GLYATL2: variants seen among roughly 807,000 people sequenced by gnomAD.
GLYATL2 encodes glycine N-acyltransferase-like protein 2.
GLYATL2 carries 25 observed loss-of-function variants against 21.4 expected under a neutral mutation model. The ratio of observed to expected loss-of-function variants is 1.17; its 90% confidence interval spans 0.85 to 1.63. The LOEUF (loss-of-function observed/expected upper bound fraction) is 1.63, where lower values mean the gene tolerates loss of function less well. Ranked by LOEUF, GLYATL2 falls within the 40% of genes most tolerant of loss-of-function variation. The probability of loss-of-function intolerance (pLI) is 0.00; values close to 1 mark genes in which losing one functional copy is unlikely to be tolerated. For synonymous variants in GLYATL2, 114 were observed against 118.2 expected, an observed-to-expected ratio of 0.96 and a Z score of 0.23; for missense variants, 361 against 343.3, an observed-to-expected ratio of 1.05 and a Z score of -0.41.
chr11:58,884,594 T>A (rs1175979213), intron 1 of GLYATL2, among the ~76,000 whole-genome samples: 1 of 152,208 alleles, frequency 6.6e-6, no homozygotes, highest in Non-Finnish European at 1.5e-5. Context: ...GTTATGATGA[T>A]GGTGGTGGAG....
intron 1 of GLYATL2, among the ~76,000 whole-genome samples, chr11:58,852,380 C>T (rs2849854): frequency 6.6e-6 from 1 of 151,778 alleles, no homozygotes; most frequent in African/African-American, 2.4e-5. Context: ...ATGTAACTAA[C>T]AGAAATTCAG....
chr11:58,859,923 C>A (rs1200067684), intron 1 of GLYATL2, among the ~76,000 whole-genome samples: 2 of 152,166 alleles, frequency 1.3e-5, no homozygotes, highest in African/African-American at 4.8e-5. Flanking sequence ...AAATCAATCA[C>A]CTTAAATGCA....
In GLYATL2 at chr11:58,834,405, A is replaced by T; in HGVS notation, c.*24T>A. On this transcript the variant is annotated 3_prime_UTR_variant, in exon 6 of 6. Transcript: ENST00000287275. Reference sequence around the variant, plus strand: ...TAATGTTTTTTTACTGATAAGAAAGATTTGAAATGGACAGTGGAATCAATC... The same window carrying T: ...TAATGTTTTTTTACTGATAAGAAAGTTTTGAAATGGACAGTGGAATCAATC... The T allele has an allele frequency of 1.3e-6, 2 of 1,534,086 alleles. No individual in the cohort carries two copies. The highest frequency in any genetic ancestry group is 1.4e-5 in the African/African-American group (1 of 72,080).
At chr11:58,838,792 C>T (rs1487142689) in intron 2 of GLYATL2, among the ~76,000 whole-genome samples, 1 of 152,072 alleles carries the variant, frequency 6.6e-6, no homozygotes, top group Non-Finnish European at 1.5e-5. Flanking sequence ...GTACATAGTT[C>T]AACCATCGTA....
At chr11:58,891,346 C>T (rs1854540167) in intron 1 of GLYATL2, among the ~76,000 whole-genome samples, 1 of 152,140 alleles carries the variant, frequency 6.6e-6, no homozygotes, top group African/African-American at 2.4e-5. Context: ...TCTTTCAAAC[C>T]CATGAGTCTA....
intron 1 of GLYATL2, among the ~76,000 whole-genome samples, chr11:58,899,963 T>A (rs75368055): frequency 5.4e-4 from 81 of 149,632 alleles, no homozygotes; most frequent in Non-Finnish European, 8.0e-4. Flanking sequence ...CTCTGTATTT[T>A]CAGAGTCCAT....
rs1590754514 is a variant in GLYATL2, at chr11:58,896,304, C to T, written n.60+7852G>A. ...ACCTGGCACAACCAATCCTCTGAGC[C>T]CTATGTAAATCAGACACTGCCTCCT... On this transcript the variant is annotated intron_variant and non_coding_transcript_variant, in intron 1 of 4. Transcript: ENST00000533636. Among the ~76,000 whole-genome samples, 3 of 152,190 alleles carry T rather than the reference C, an allele frequency of 2.0e-5. No homozygotes were observed. In the East Asian group the frequency reaches 5.8e-4, roughly 29 times the overall value.
chr11:58,876,176 T>C (rs1025219951), intron 1 of GLYATL2, among the ~76,000 whole-genome samples: 10 of 152,232 alleles, frequency 6.6e-5, no homozygotes, highest in African/African-American at 9.6e-5. Context: ...TTGGTTATTC[T>C]AGTTATCCGT....
At chr11:58,851,470 T>G (rs1243069241) in intron 1 of GLYATL2, among the ~76,000 whole-genome samples, 3 of 152,196 alleles carry the variant, frequency 2.0e-5, no homozygotes, top group Non-Finnish European at 4.4e-5. Flanking sequence ...CTTTCTAATG[T>G]TATTGTTGAA....
intron 1 of GLYATL2, among the ~76,000 whole-genome samples, chr11:58,897,153 C>T (rs1565110338): frequency 6.6e-6 from 1 of 152,174 alleles, no homozygotes; most frequent in African/African-American, 2.4e-5. Flanking sequence ...CACTAAAATT[C>T]CACAGATTTC....
chr11:58,859,518 C>T (rs532722741), intron 1 of GLYATL2, among the ~76,000 whole-genome samples: 1 of 152,202 alleles, frequency 6.6e-6, no homozygotes, highest in African/African-American at 2.4e-5. Context: ...TAAATATTAA[C>T]CTCTTTTCAG....
chr11:58,846,345 A>C (rs957144019), upstream of GLYATL2, among the ~76,000 whole-genome samples: 4 of 151,986 alleles, frequency 2.6e-5, no homozygotes, highest in Admixed American at 2.6e-4. Flanking sequence ...AACTACACAG[A>C]AAAAAATACC....
chr11:58,847,191 C>G (rs1423248700), upstream of GLYATL2, among the ~76,000 whole-genome samples: 1 of 152,068 alleles, frequency 6.6e-6, no homozygotes, highest in Non-Finnish European at 1.5e-5. Flanking sequence ...CAGCAGTACC[C>G]ATGTACTATT....
At chr11:58,872,800 A>C (rs1854149700) in intron 1 of GLYATL2, among the ~76,000 whole-genome samples, 1 of 152,316 alleles carries the variant, frequency 6.6e-6, no homozygotes, top group Admixed American at 6.5e-5. Context: ...ACTTTCAAGT[A>C]GTTTTTTCCA....
intron 1 of GLYATL2, among the ~76,000 whole-genome samples, chr11:58,856,829 A>C (rs1374871929): frequency 6.6e-6 from 1 of 152,234 alleles, no homozygotes; most frequent in East Asian, 1.9e-4. Context: ...TAACAAAGAA[A>C]AAGTCTGAAT....
chr11:58,869,545 A>C (rs938944847), intron 1 of GLYATL2, among the ~76,000 whole-genome samples: 4 of 152,186 alleles, frequency 2.6e-5, no homozygotes, highest in African/African-American at 9.6e-5. Context: ...AGACTGTATT[A>C]CTATCTCGTG....
chr11:58,881,051 A>T (rs1442807698), intron 1 of GLYATL2, among the ~76,000 whole-genome samples: 1 of 152,160 alleles, frequency 6.6e-6, no homozygotes, highest in Non-Finnish European at 1.5e-5. Context: ...CACATTTTTA[A>T]TTATTTTTAC....
At chr11:58,851,876 T>G (rs1853747615) in intron 1 of GLYATL2, among the ~76,000 whole-genome samples, 1 of 152,182 alleles carries the variant, frequency 6.6e-6, no homozygotes, top group African/African-American at 2.4e-5. Flanking sequence ...CAAGGGATGA[T>G]TGCCACCTGA....
At chr11:58,855,062 C>A (rs1466159096) in intron 1 of GLYATL2, among the ~76,000 whole-genome samples, 2 of 152,286 alleles carry the variant, frequency 1.3e-5, no homozygotes, top group South Asian at 2.1e-4. Context: ...ATTGGAATCA[C>A]CTTCTTCCAA....
Sources: allele counts gnomAD v4.1 joint callset (sites outside exome capture counted in the v4.1 genomes callset), GRCh38; gene constraint gnomAD v4.1.1; transcripts MANE v1.5; gene names NCBI Gene and HGNC (gene_info 2026-07-23, HGNC 2026-07-21).